The following NAALADL1 variants were observed in gnomAD, a reference collection of about 807,000 sequenced individuals.
The protein encoded by NAALADL1 is aminopeptidase NAALADL1.
NAALADL1 carries 77 observed loss-of-function variants against 82.8 expected under a neutral mutation model. That is an observed-to-expected ratio of 0.93 (90% CI 0.77 to 1.12). The LOEUF (loss-of-function observed/expected upper bound fraction) is 1.12. Ranked by LOEUF, NAALADL1 falls within the 50% of genes most tolerant of loss-of-function variation. NAALADL1 has a pLI of 0.00. For synonymous variants in NAALADL1, 358 were observed against 399.2 expected (o/e 0.90, Z 1.23); for missense variants, 956 against 964.0 (o/e 0.99, Z 0.11).
chr11:65,060,457 G>C (rs754120835), upstream of NAALADL1, among the ~76,000 whole-genome samples: 5 of 152,122 alleles, frequency 3.3e-5, 1 homozygote, highest in Non-Finnish European at 7.4e-5. Flanking sequence ...ACCACCAGGT[G>C]GGGAGTGGGA....
In NAALADL1 at chr11:65,054,870, G is replaced by A. The variant is rs1172554226; in HGVS notation, c.604-132C>T. The A allele has an allele frequency of 8.3e-7, 1 of 1,205,162 alleles. No individual in the cohort carries two copies. The highest frequency in any genetic ancestry group is 1.1e-6 in the Non-Finnish European group (1 of 881,528). The allele number at this position is 1,205,162 out of a possible 1,614,324, so 74.7% of individuals were successfully genotyped here. On this transcript the variant is annotated intron_variant, in intron 4 of 17. Coordinates refer to ENST00000358658, the MANE Select transcript of NAALADL1 (RefSeq NM_005468.3). This position sits in a 1 kb window ranked among gnomAD's most constrained non-coding sequence, Gnocchi z 4.3. ...CATGGGCAAGATGACGTTTGCACAA[G>A]TCATTTATGGCAGTGCCTCTTGCAA...
intron 11 of NAALADL1, 71 bp downstream of exon 11, chr11:65,047,910 C>CCCCCTT: frequency 7.4e-7 from 1 of 1,358,314 alleles, no homozygotes; most frequent in Non-Finnish European, 1.0e-6. Flanking sequence ...CCCGCCCACC[C>CCCCCTT]GTAGCGGCCC....
upstream of NAALADL1, chr11:65,058,692 C>G (rs958705309): frequency 8.1e-5 from 52 of 644,630 alleles, no homozygotes; most frequent in Non-Finnish European, 1.2e-4. Flanking sequence ...CATCCACATC[C>G]ACCACATCCT....
At chr11:65,047,792 C>T (rs1306285327) in intron 11 of NAALADL1, 54 bp from the exon 12 acceptor site, 50 of 1,538,136 alleles carry the variant, frequency 3.3e-5, no homozygotes, top group Non-Finnish European at 4.1e-5. Context: ...GCCCCAACAA[C>T]AGGGCGGGTT....
At chr11:65,051,902 A>G (rs1325159320) in intron 8 of NAALADL1, among the ~76,000 whole-genome samples, 2 of 152,194 alleles carry the variant, frequency 1.3e-5, no homozygotes, top group African/African-American at 2.4e-5. Context: ...ATATTTTACC[A>G]TGAATTTTTA....
intron 8 of NAALADL1, among the ~76,000 whole-genome samples, chr11:65,049,068 T>G (rs1946817393): frequency 6.6e-6 from 1 of 152,162 alleles, no homozygotes; most frequent in Non-Finnish European, 1.5e-5. Flanking sequence ...TGGCCCAGGT[T>G]GGAGTGCAGT....
chr11:65,054,494 G>A lies in NAALADL1; in HGVS notation c.848C>T (p.Thr283Ile), dbSNP rs1271940128. Reference sequence around the variant, plus strand: ...TGCATCCTGGAAGCCAATGGGCTGTGTAGGAATTGGGGGAAATCCGGAGAC... The same window carrying A: ...TGCATCCTGGAAGCCAATGGGCTGTATAGGAATTGGGGGAAATCCGGAGAC... ...ANVSGFPPIP[T>I]QPIGFQDARD... The change falls in exon 5 of 18, where the codon ACA (threonine) becomes ATA (isoleucine). Residue 283 changes from threonine (T) to isoleucine (I), a missense_variant. Transcript: ENST00000358658. This position sits in a 1 kb window ranked among gnomAD's most constrained non-coding sequence, Gnocchi z 4.3. 1 of 1,614,140 alleles carries A rather than the reference G, an allele frequency of 6.2e-7. No individual in the cohort carries two copies. The highest frequency in any genetic ancestry group is 1.1e-5 in the South Asian group (1 of 91,072).
chr11:65,058,657 A>G, upstream of NAALADL1: 1 of 828,350 alleles, frequency 1.2e-6, no homozygotes, highest in Non-Finnish European at 1.8e-6. Flanking sequence ...GAGTGAGGGA[A>G]CATCCCGCAG....
chr11:65,046,083 C>T lies in NAALADL1; in HGVS notation c.1887G>A (p.Glu629=). 2 of 1,614,142 alleles carry T rather than the reference C, an allele frequency of 1.2e-6. No homozygotes were observed. The highest frequency in any genetic ancestry group is 1.7e-6 in the Non-Finnish European group (2 of 1,180,016). ...GTTGGCCCAAGGCTGCAGCTTCTGC[C>T]TCAAACTTCTCCACTGCAGTCACCA... is the stretch of plus-strand genomic sequence containing the variant. ...GPLVTAVEKF[E]AEAAALGQRI... Residue 629 remains glutamate (E), a synonymous_variant, in exon 16 of 18, where the codon GAG becomes GAA. Coordinates refer to ENST00000358658, the MANE Select transcript of NAALADL1 (RefSeq NM_005468.3).
chr11:65,056,940 C>T (rs1028809023), intron 4 of NAALADL1, among the ~76,000 whole-genome samples: 12 of 152,210 alleles, frequency 7.9e-5, no homozygotes, highest in Admixed American at 2.0e-4. Flanking sequence ...TGGCCTTGAT[C>T]TCCTGACCTC....
chr11:65,057,947 G>T lies in NAALADL1; in HGVS notation c.408C>A (p.Asn136Lys), dbSNP rs373082652. 3 of 1,614,124 alleles carry T rather than the reference G, an allele frequency of 1.9e-6. No individual in the cohort carries two copies. The South Asian group carries it at 3.3e-5, about 18-fold the overall frequency. Reference sequence around the variant, plus strand: ...CTGGCCCCCCTTGCTCCCCGGTCACGTTCTCCTCAGTCCGGTGGCAGGAGT... The same window carrying T: ...CTGGCCCCCCTTGCTCCCCGGTCACTTTCTCCTCAGTCCGGTGGCAGGAGT... ...IIHSCHRTEENVTGEQGGPDV... is the reference protein window; with the variant it reads ...IIHSCHRTEEKVTGEQGGPDV... Residue 136 changes from asparagine to lysine, a missense_variant, in exon 3 of 18, where the codon AAC becomes AAA. Transcript: ENST00000358658.
intron 4 of NAALADL1, among the ~76,000 whole-genome samples, chr11:65,056,430 C>T (rs1002056330): frequency 3.9e-5 from 6 of 151,974 alleles, no homozygotes; most frequent in East Asian, 3.9e-4. Context: ...GATGGAGTCT[C>T]GCTCTGTCAC....
In NAALADL1 at chr11:65,048,332, ACTC is replaced by A. The variant is rs767259392; in HGVS notation, c.1249_1251del (p.Glu417del). ...AATTCCGTGGAGCCAATGAGCCCAA[ACTC>A]CTCAGCCCCCCAGCTCGCAAACACG... On this transcript the variant is annotated inframe_deletion, in exon 9 of 18. Transcript: ENST00000358658. The A allele has an allele frequency of 6.2e-6, 10 of 1,613,790 alleles. No homozygotes were observed. In the African/African-American group the frequency reaches 1.3e-4, roughly 22 times the overall value.
chr11:65,050,456 C>A (rs543042467), intron 8 of NAALADL1, among the ~76,000 whole-genome samples: 1 of 148,312 alleles, frequency 6.7e-6, no homozygotes, highest in African/African-American at 2.5e-5. Context: ...CCAACCTGGG[C>A]GACAGAGCGA....
intron 8 of NAALADL1, among the ~76,000 whole-genome samples, chr11:65,051,906 A>G (rs1374795089): frequency 6.6e-6 from 1 of 152,168 alleles, no homozygotes; most frequent in African/African-American, 2.4e-5. Context: ...TTTACCATGA[A>G]TTTTTAAAAC....
intron 8 of NAALADL1, among the ~76,000 whole-genome samples, chr11:65,051,339 T>C (rs1590763570): frequency 1.2e-5 from 1 of 84,576 alleles, no homozygotes; most frequent in Non-Finnish European, 2.2e-5. Flanking sequence ...TTTTTTTTTT[T>C]TTTTTTTTTT....
rs141580617 is a variant in NAALADL1, at chr11:65,054,655, G to A, written c.687C>T (p.Pro229=). 602 of 1,614,072 alleles carry A rather than the reference G, an allele frequency of 3.7e-4. 6 individuals carry two copies. In the East Asian group the frequency reaches 9.7e-3, roughly 26 times the overall value. ...PADINDGLSS[P]DETFPNSWYL... ...ACCAGGAGTTGGGAAAGGTTTCGTC[G>A]GGTGAGCTCAGCCCATCGTTGATGT... The change falls in exon 5 of 18, where the codon CCC becomes CCT. Residue 229 remains proline, a synonymous_variant. Coordinates refer to ENST00000358658, the MANE Select transcript of NAALADL1 (RefSeq NM_005468.3). The surrounding 1 kb of genome is among the most constrained non-coding windows in gnomAD (Gnocchi z 4.3).
chr11:65,051,407 G>A (rs1261644706), intron 8 of NAALADL1, among the ~76,000 whole-genome samples: 1 of 131,678 alleles, frequency 7.6e-6, no homozygotes, highest in Non-Finnish European at 1.5e-5. Context: ...TGTGATCACG[G>A]CTTACTGCAG....
chr11:65,057,191 C>T (rs956176347), intron 4 of NAALADL1, among the ~76,000 whole-genome samples, 180 bp downstream of exon 4: 6 of 152,200 alleles, frequency 3.9e-5, no homozygotes, highest in East Asian at 1.9e-4. Context: ...GGGAGGCATC[C>T]GAGGCCACAC....
Sources: gnomAD v4.1 joint callset for allele counts (sites outside exome capture counted in the v4.1 genomes callset) on GRCh38, gnomAD v4.1.1 for gene constraint, Gnocchi (gnomAD v3.1) non-coding constraint, MANE v1.5 for transcripts, NCBI Gene and HGNC (gene_info 2026-07-23, HGNC 2026-07-21) for gene names.